Variants in CSMD1 observed in about 807,000 individuals in gnomAD.
CSMD1 encodes the protein CUB and Sushi multiple domains 1.
A neutral mutation model predicts 417.5 loss-of-function variants in CSMD1; 213 were observed. That is an observed-to-expected ratio of 0.51 (90% CI 0.46 to 0.57). The LOEUF (loss-of-function observed/expected upper bound fraction) is 0.57. CSMD1 is among the 20% of genes least tolerant of loss of function. CSMD1 has a pLI of 0.00. For synonymous variants in CSMD1, 2,862 were observed against 1,736.8 expected, an observed-to-expected ratio of 1.65 and a Z score of -16.11; for missense variants, 6,923 against 4,529.7, an observed-to-expected ratio of 1.53 and a Z score of -15.17.
At chr8:3,414,161 AG>A (rs143587205) in intron 12 of CSMD1, among the ~76,000 whole-genome samples, 3 of 143,870 alleles carry the variant, frequency 2.1e-5, no homozygotes, top group Non-Finnish European at 3.1e-5. Flanking sequence ...AAAAAAAAAA[AG>A]AAGCAAACAC....
At chr8:4,669,681 T>A (rs1024897247) in intron 1 of CSMD1, among the ~76,000 whole-genome samples, 5 of 152,222 alleles carry the variant, frequency 3.3e-5, no homozygotes, top group African/African-American at 1.2e-4. Context: ...CTGTTGGTTT[T>A]TTGCTAACTT....
chr8:3,820,757 G>A (rs556522311), intron 5 of CSMD1, among the ~76,000 whole-genome samples: 3 of 152,042 alleles, frequency 2.0e-5, no homozygotes, highest in South Asian at 2.1e-4. Flanking sequence ...TGTATTTTTT[G>A]TTTTGTTTTA....
chr8:4,434,373 A>T (rs1365048861), intron 2 of CSMD1, among the ~76,000 whole-genome samples: 2 of 152,178 alleles, frequency 1.3e-5, no homozygotes, highest in Admixed American at 6.5e-5. Context: ...CTAACTAACT[A>T]ACTGGATCTA....
intron 23 of CSMD1, among the ~76,000 whole-genome samples, chr8:3,335,088 G>C (rs1040471373): frequency 6.6e-6 from 1 of 152,160 alleles, no homozygotes; most frequent in Admixed American, 6.5e-5. Flanking sequence ...TCATGAAACC[G>C]AGAGGAGCCC....
intron 3 of CSMD1, among the ~76,000 whole-genome samples, chr8:4,287,828 A>T (rs1305317220): frequency 6.6e-6 from 1 of 152,056 alleles, no homozygotes; most frequent in Admixed American, 6.6e-5. Flanking sequence ...CACTGAATGC[A>T]TTTAGTGGGA....
chr8:3,513,282 T>A (rs1001948487), intron 10 of CSMD1, among the ~76,000 whole-genome samples: 2 of 151,932 alleles, frequency 1.3e-5, no homozygotes, highest in Non-Finnish European at 2.9e-5. Context: ...GTAAGAGGAG[T>A]ATTTTCTGAG....
At chr8:3,575,238 C>A (rs978474504) in intron 9 of CSMD1, among the ~76,000 whole-genome samples, 172 bp from the exon 10 acceptor site, 6 of 151,168 alleles carry the variant, frequency 4.0e-5, no homozygotes, top group Non-Finnish European at 8.8e-5. Context: ...AAGTGGATTG[C>A]TCAGCCGGCA....
chr8:4,349,674 A>T (rs1346163852), intron 3 of CSMD1, among the ~76,000 whole-genome samples: 1 of 152,180 alleles, frequency 6.6e-6, no homozygotes, highest in Non-Finnish European at 1.5e-5. Context: ...GTAAATTTTG[A>T]AATGTGGCCA....
intron 3 of CSMD1, among the ~76,000 whole-genome samples, chr8:4,067,097 C>G (rs888674590): frequency 6.6e-6 from 1 of 152,206 alleles, no homozygotes; most frequent in Non-Finnish European, 1.5e-5. Context: ...GGGTACAAGG[C>G]TCTTTTTCCT....
chr8:4,343,680 G>A (rs1250048015), intron 3 of CSMD1, among the ~76,000 whole-genome samples: 2 of 152,112 alleles, frequency 1.3e-5, no homozygotes, highest in Admixed American at 1.3e-4. Context: ...CTGGTGATCT[G>A]ACCTTTGCAG....
chr8:4,168,160 CACACACACACACACACAT>C (rs1238670334), intron 3 of CSMD1, among the ~76,000 whole-genome samples: 1 of 151,170 alleles, frequency 6.6e-6, no homozygotes, highest in Non-Finnish European at 1.5e-5. Flanking sequence ...CACACACACA[CACACACACACACACACAT>C]ACACACACAC....
intron 5 of CSMD1, among the ~76,000 whole-genome samples, chr8:3,883,291 C>T (rs1355503954): frequency 3.3e-5 from 5 of 152,058 alleles, no homozygotes; most frequent in Non-Finnish European, 7.4e-5. Context: ...CACATGTTTA[C>T]TGTGAGAACT....
chr8:4,685,636 T>C (rs1806324931), intron 1 of CSMD1, among the ~76,000 whole-genome samples: 1 of 152,094 alleles, frequency 6.6e-6, no homozygotes, highest in Non-Finnish European at 1.5e-5. Flanking sequence ...CATCACACCA[T>C]GTACTTCACA....
intron 5 of CSMD1, among the ~76,000 whole-genome samples, chr8:3,816,882 T>A (rs1801397353): frequency 6.6e-6 from 1 of 152,288 alleles, no homozygotes; most frequent in South Asian, 2.1e-4. Context: ...GCACTATATA[T>A]TTCACTTTCC....
At chr8:4,206,033 T>C (rs1353716873) in intron 3 of CSMD1, among the ~76,000 whole-genome samples, 4 of 152,026 alleles carry the variant, frequency 2.6e-5, no homozygotes, top group Non-Finnish European at 5.9e-5. Flanking sequence ...TTCCTCCCCA[T>C]CCATGCCATA....
chr8:3,599,695 G>C (rs776713291), intron 8 of CSMD1, among the ~76,000 whole-genome samples: 2 of 152,072 alleles, frequency 1.3e-5, no homozygotes, highest in Admixed American at 6.5e-5. Context: ...ATTTTCCTTT[G>C]AGTATCTGCT....
intron 1 of CSMD1, among the ~76,000 whole-genome samples, chr8:4,770,278 A>G (rs1468022659): frequency 1.3e-5 from 2 of 148,242 alleles, no homozygotes; most frequent in East Asian, 1.9e-4. Context: ...TTGTAAATAT[A>G]TATGTGTATG....
chr8:3,546,487 G>C (rs1433276436), intron 10 of CSMD1, among the ~76,000 whole-genome samples: 1 of 151,020 alleles, frequency 6.6e-6, no homozygotes, highest in East Asian at 1.9e-4. Context: ...GGTGAGTCAA[G>C]ATCCTGCCAC....
chr8:4,615,951 A>G (rs1484361712), intron 2 of CSMD1, among the ~76,000 whole-genome samples: 2 of 152,216 alleles, frequency 1.3e-5, no homozygotes, highest in Non-Finnish European at 2.9e-5. Context: ...TTAAGAATCT[A>G]GCCAGAATCT....
Sources: gnomAD v4.1 joint callset for allele counts (sites outside exome capture counted in the v4.1 genomes callset) on GRCh38, gnomAD v4.1.1 for gene constraint, MANE v1.5 for transcripts, NCBI Gene and HGNC (gene_info 2026-07-23, HGNC 2026-07-21) for gene names.